PSD2: variants seen among roughly 807,000 people sequenced by gnomAD.
The protein encoded by PSD2 is PH and SEC7 domain-containing protein 2.
Under a neutral mutation model 69.8 loss-of-function variants are expected in PSD2, and 38 were observed. The observed-to-expected ratio is 0.54, with a 90% CI of 0.42 to 0.71. PSD2 has a LOEUF of 0.71. PSD2 is among the 30% of genes least tolerant of loss of function. The probability of loss-of-function intolerance (pLI) is 0.00; values close to 1 mark genes in which losing one functional copy is unlikely to be tolerated. For missense variants in PSD2, 943 were observed against 1,014.5 expected (o/e 0.93, Z 0.96); for synonymous variants, 412 against 423.0 (o/e 0.97, Z 0.32).
chr5:139,766,989 CTTT>C, the PSD2 span, among the ~76,000 whole-genome samples: 1 of 136,974 alleles, frequency 7.3e-6, no homozygotes, highest in Non-Finnish European at 1.6e-5. Flanking sequence ...TTCTTTCTTT[CTTT>C]CTTTCCTTCT....
chr5:139,808,162 G>A (rs149077397), intron 1 of PSD2, among the ~76,000 whole-genome samples: 219 of 152,340 alleles, frequency 1.4e-3, no homozygotes, highest in African/African-American at 5.1e-3. Flanking sequence ...TGGGAGAAAT[G>A]GCCCAGATTC....
At chr5:139,784,785 T>G in the PSD2 span, among the ~76,000 whole-genome samples, 1 of 152,084 alleles carries the variant, frequency 6.6e-6, no homozygotes, top group Non-Finnish European at 1.5e-5. Flanking sequence ...AGACGGAGTC[T>G]TGCTCTGTTG....
At chr5:139,761,126 C>T in the PSD2 span, among the ~76,000 whole-genome samples, 2 of 152,202 alleles carry the variant, frequency 1.3e-5, no homozygotes, top group South Asian at 2.1e-4. Flanking sequence ...CATTGCCCAT[C>T]AACATCTCGG....
At chr5:139,745,221 T>C in the PSD2 span, 1 of 152,286 alleles carries the variant, frequency 6.6e-6, no homozygotes, top group Non-Finnish European at 1.5e-5. Context: ...GAAGGCTATG[T>C]AGAGTTGAGT....
chr5:139,754,536 A>G, the PSD2 span, among the ~76,000 whole-genome samples: 2 of 33,380 alleles, frequency 6.0e-5, no homozygotes, highest in Non-Finnish European at 7.1e-5. Context: ...TCTACTAAAA[A>G]TACAAAAAAA....
At chr5:139,807,540 G>T (rs1195627797) in intron 1 of PSD2, among the ~76,000 whole-genome samples, 1 of 152,164 alleles carries the variant, frequency 6.6e-6, no homozygotes, top group Non-Finnish European at 1.5e-5. Flanking sequence ...TCAGGGCCCA[G>T]ATATTTTAGA....
the PSD2 span, among the ~76,000 whole-genome samples, chr5:139,784,313 T>C: frequency 1.3e-5 from 2 of 152,130 alleles, no homozygotes; most frequent in East Asian, 3.9e-4. Flanking sequence ...CCGACTCCTG[T>C]GGTGACCTCA....
At chr5:139,745,681 G>C in the PSD2 span, among the ~76,000 whole-genome samples, 7 of 152,228 alleles carry the variant, frequency 4.6e-5, no homozygotes, top group African/African-American at 1.7e-4. Flanking sequence ...AGCTGCTGCG[G>C]GTTGCCCAGT....
the PSD2 span, chr5:139,775,400 T>G: frequency 6.6e-6 from 1 of 152,210 alleles, no homozygotes; most frequent in Admixed American, 6.5e-5. Context: ...TGCGGCACTC[T>G]CGGTTTGGCT....
At position 139,815,720 on chromosome 5, in the gene PSD2, A is replaced by G. The variant is rs528015909; in HGVS notation, c.1016+1356A>G. The stretch of plus-strand genomic sequence containing the variant: ...TTATTATGAAAATTTCAGGCCGGGC[A>G]TAGTGGCTCATGCCTGTAATCCCAG... On this transcript the variant is annotated intron_variant, in intron 4 of 14. Transcript: ENST00000274710. Among the ~76,000 whole-genome samples the G allele has an allele frequency of 2.6e-5, 4 of 152,288 alleles. No individual in the cohort carries two copies. The East Asian group carries it at 5.8e-4, about 22-fold the overall frequency.
At chr5:139,796,280 G>T (rs1245567835) in intron 1 of PSD2, among the ~76,000 whole-genome samples, 1 of 152,168 alleles carries the variant, frequency 6.6e-6, no homozygotes, top group Non-Finnish European at 1.5e-5. Flanking sequence ...GGGCTGCCGG[G>T]CCGATTGTCT....
At chr5:139,816,914 G>A (rs903510725) in intron 4 of PSD2, among the ~76,000 whole-genome samples, 1 of 152,200 alleles carries the variant, frequency 6.6e-6, no homozygotes, top group South Asian at 2.1e-4. Flanking sequence ...CACCTTCTTG[G>A]TCATGCCGCA....
intron 1 of PSD2, among the ~76,000 whole-genome samples, chr5:139,803,007 G>A (rs1006338554): frequency 2.0e-5 from 3 of 152,228 alleles, no homozygotes; most frequent in East Asian, 3.8e-4. Flanking sequence ...GAGAAGGAAA[G>A]CAGGTGGGGG....
intron 7 of PSD2, among the ~76,000 whole-genome samples, chr5:139,828,319 G>T (rs1000215376): frequency 1.2e-4 from 18 of 152,180 alleles, no homozygotes; most frequent in African/African-American, 4.3e-4. Context: ...TTCCAGGAGA[G>T]CTCAAGCTGA....
the PSD2 span, among the ~76,000 whole-genome samples, chr5:139,787,126 G>A: frequency 6.6e-6 from 1 of 152,148 alleles, no homozygotes; most frequent in Non-Finnish European, 1.5e-5. Context: ...CACATGGAGG[G>A]CACTCACTTA....
chr5:139,799,658 G>A (rs1419075457), intron 1 of PSD2, among the ~76,000 whole-genome samples: 1 of 152,192 alleles, frequency 6.6e-6, no homozygotes, highest in Non-Finnish European at 1.5e-5. Context: ...GACCAGCCAG[G>A]AGGCTGTGGC....
intron 1 of PSD2, among the ~76,000 whole-genome samples, chr5:139,798,788 A>T (rs980821972): frequency 2.0e-5 from 3 of 152,228 alleles, no homozygotes; most frequent in African/African-American, 7.2e-5. Context: ...CATTGTTATC[A>T]TACCCAAGAA....
At chr5:139,775,737 C>G in the PSD2 span, among the ~76,000 whole-genome samples, 1 of 152,196 alleles carries the variant, frequency 6.6e-6, no homozygotes, top group Admixed American at 6.5e-5. Flanking sequence ...GGCACGATCT[C>G]AGCTCACTGC....
intron 1 of PSD2, among the ~76,000 whole-genome samples, chr5:139,799,340 G>A (rs1049857332): frequency 1.4e-4 from 22 of 152,160 alleles, no homozygotes; most frequent in Non-Finnish European, 2.1e-4. Flanking sequence ...AACTTTCAGG[G>A]AGCTCAAAAC....
Sources: gnomAD v4.1 joint callset for allele counts (sites outside exome capture counted in the v4.1 genomes callset) on GRCh38, gnomAD v4.1.1 for gene constraint, MANE v1.5 for transcripts, NCBI Gene and HGNC (gene_info 2026-07-23, HGNC 2026-07-21) for gene names.